The following MAML3 variants were observed in gnomAD, a reference collection of about 807,000 sequenced individuals.
The protein encoded by MAML3 is mastermind-like protein 3.
In MAML3, 27 loss-of-function variants were observed where a neutral mutation model predicts 101.9. That is an observed-to-expected ratio of 0.27 (90% CI 0.20 to 0.37). MAML3 has a LOEUF of 0.37. Among genes scored for constraint, MAML3 ranks in the 10% least tolerant of loss-of-function variants. The probability of loss-of-function intolerance (pLI) is 1.00; values close to 1 mark genes in which losing one functional copy is unlikely to be tolerated. For missense variants in MAML3, 1,316 were observed against 1,444.9 expected, an observed-to-expected ratio of 0.91 and a Z score of 1.45; for synonymous variants, 501 against 555.9, an observed-to-expected ratio of 0.90 and a Z score of 1.39.
chr4:139,900,633 C>G (rs568674352), intron 1 of MAML3, among the ~76,000 whole-genome samples: 2 of 152,190 alleles, frequency 1.3e-5, no homozygotes, highest in Non-Finnish European at 2.9e-5. Flanking sequence ...AAACTCTATA[C>G]GTGCAGTTTA....
At chr4:139,811,711 T>C (rs1730799673) in intron 2 of MAML3, among the ~76,000 whole-genome samples, 2 of 152,220 alleles carry the variant, frequency 1.3e-5, no homozygotes, top group Admixed American at 1.3e-4. Context: ...GAGGACTGAA[T>C]ACATGTTTAT....
chr4:139,818,007 A>G (rs1375403889), intron 2 of MAML3, among the ~76,000 whole-genome samples: 4 of 152,162 alleles, frequency 2.6e-5, no homozygotes, highest in Non-Finnish European at 5.9e-5. Flanking sequence ...GTCTATCACA[A>G]TTGCCTGGTG....
chr4:140,050,165 C>T lies in MAML3; in HGVS notation c.468+102695G>A, dbSNP rs77562333. Among the ~76,000 whole-genome samples, 379 of 152,266 alleles carry T rather than the reference C, an allele frequency of 2.5e-3. 3 individuals carry two copies. Among genetic ancestry groups the T allele is most frequent in the African/African-American group, 8.6e-3 (357 of 41,546 alleles). ...TGTATTCTGCTATTCCATATTCTTT[C>T]ATTTCTCTTAATAGAATTTGCCTTC... On this transcript the variant is annotated intron_variant, in intron 1 of 4. Coordinates refer to ENST00000509479, the MANE Select transcript of MAML3 (RefSeq NM_018717.5).
intron 2 of MAML3, among the ~76,000 whole-genome samples, chr4:139,866,751 T>C (rs1439030528): frequency 6.6e-6 from 1 of 152,164 alleles, no homozygotes; most frequent in Non-Finnish European, 1.5e-5. Context: ...GGGGGAGCAG[T>C]CGGCAATTCC....
chr4:139,981,178 G>A (rs574590975), intron 1 of MAML3, among the ~76,000 whole-genome samples: 7 of 152,278 alleles, frequency 4.6e-5, no homozygotes, highest in African/African-American at 1.4e-4. Context: ...TCTCTCCTTG[G>A]CTTGCAGACA....
At chr4:140,091,802 C>T (rs1455683045) in intron 1 of MAML3, among the ~76,000 whole-genome samples, 2 of 151,808 alleles carry the variant, frequency 1.3e-5, no homozygotes, top group African/African-American at 2.4e-5. Context: ...AATGGCCTTT[C>T]GAAGAAAGCA....
At chr4:139,938,497 T>C (rs1235842380) in intron 1 of MAML3, among the ~76,000 whole-genome samples, 4 of 152,226 alleles carry the variant, frequency 2.6e-5, no homozygotes, top group Non-Finnish European at 5.9e-5. Flanking sequence ...GAAAACACAA[T>C]GACATTCTAA....
intron 1 of MAML3, among the ~76,000 whole-genome samples, chr4:139,894,004 G>T (rs368656656): frequency 2.0e-5 from 3 of 152,040 alleles, no homozygotes; most frequent in East Asian, 1.9e-4. Flanking sequence ...TTCCACTCGG[G>T]TACTCTCTTA....
intron 1 of MAML3, among the ~76,000 whole-genome samples, chr4:140,101,400 G>T (rs1578684911): frequency 6.6e-6 from 1 of 152,122 alleles, no homozygotes; most frequent in African/African-American, 2.4e-5. Context: ...CCAGGCTCTT[G>T]GACAGTTGCA....
intron 2 of MAML3, among the ~76,000 whole-genome samples, chr4:139,865,136 T>G (rs1731872847): frequency 6.6e-6 from 1 of 152,122 alleles, no homozygotes; most frequent in South Asian, 2.1e-4. Flanking sequence ...ATTCTGCAAA[T>G]AGTGCAATTT....
chr4:139,761,280 A>T (rs1208593803), intron 2 of MAML3, among the ~76,000 whole-genome samples: 1 of 152,198 alleles, frequency 6.6e-6, no homozygotes, highest in African/African-American at 2.4e-5. Context: ...GCTTTCTAAA[A>T]GTCTTCAGCC....
chr4:139,731,957 A>G (rs1248590726), intron 2 of MAML3, among the ~76,000 whole-genome samples: 1 of 152,200 alleles, frequency 6.6e-6, no homozygotes, highest in Non-Finnish European at 1.5e-5. Context: ...AGTGGCAAGT[A>G]TGTTCTGAAC....
chr4:139,938,999 T>C lies in MAML3; in HGVS notation c.469-48032A>G, dbSNP rs76561136. ...AGTGACCAGTCATCCTTCCCCGCTCTGCGCACTGTGAAGACTGGCTTTTCA... is the reference window on the plus strand; with the variant it reads ...AGTGACCAGTCATCCTTCCCCGCTCCGCGCACTGTGAAGACTGGCTTTTCA... On this transcript the variant is annotated intron_variant, in intron 1 of 4. Coordinates refer to ENST00000509479, the MANE Select transcript of MAML3 (RefSeq NM_018717.5). Among the ~76,000 whole-genome samples the C allele has an allele frequency of 4.5e-4, 68 of 152,370 alleles. No individual in the cohort carries two copies. In the East Asian group the frequency reaches 0.013, roughly 29 times the overall value.
intron 1 of MAML3, among the ~76,000 whole-genome samples, chr4:140,141,888 G>A (rs1240656997): frequency 1.3e-5 from 2 of 152,026 alleles, no homozygotes; most frequent in African/African-American, 2.4e-5. Flanking sequence ...AGATTTTCCC[G>A]CCAACTTTTT....
chr4:139,962,300 A>G (rs1435249172), intron 1 of MAML3, among the ~76,000 whole-genome samples: 1 of 152,182 alleles, frequency 6.6e-6, no homozygotes, highest in Non-Finnish European at 1.5e-5. Flanking sequence ...GAGCTATTTC[A>G]GCTCAAGTTA....
chr4:139,895,544 A>G (rs933785050), intron 1 of MAML3, among the ~76,000 whole-genome samples: 2 of 152,204 alleles, frequency 1.3e-5, no homozygotes, highest in African/African-American at 4.8e-5. Flanking sequence ...TGATACCAGT[A>G]AACACCCACT....
chr4:139,722,775 T>C (rs1158484639), intron 4 of MAML3, among the ~76,000 whole-genome samples: 1 of 152,220 alleles, frequency 6.6e-6, no homozygotes, highest in Non-Finnish European at 1.5e-5. Flanking sequence ...TCATGCAAGT[T>C]ATACCTAACA....
chr4:139,889,433 T>C lies in MAML3; in HGVS notation c.2003A>G (p.Lys668Arg). The change falls in exon 2 of 5, where the codon AAA becomes AGA. Residue 668 changes from lysine (K) to arginine (R), a missense_variant. Lys to Arg is a conservative substitution (Grantham distance 26, BLOSUM62 2). Transcript: ENST00000509479. Reference sequence around the variant, plus strand: ...TTTCTGCTTCATGAGAAGCAGGCGTTTCTGGTCTTCGCTCAGGTGTGCCCT... The same window carrying C: ...TTTCTGCTTCATGAGAAGCAGGCGTCTCTGGTCTTCGCTCAGGTGTGCCCT... ...APRAHLSEDQ[K>R]RLLLMKQKGV... 1 of 1,613,960 alleles carries C rather than the reference T, an allele frequency of 6.2e-7. No individual in the cohort carries two copies. Among genetic ancestry groups the C allele is most frequent in the Non-Finnish European group, 8.5e-7 (1 of 1,179,868 alleles).
chr4:139,922,214 C>T (rs1363769861), intron 1 of MAML3, among the ~76,000 whole-genome samples: 1 of 152,114 alleles, frequency 6.6e-6, no homozygotes, highest in Non-Finnish European at 1.5e-5. Context: ...AGCTTGCTTG[C>T]TTTTTAATTC....
Sources: allele counts gnomAD v4.1 joint callset (sites outside exome capture counted in the v4.1 genomes callset), GRCh38; gene constraint gnomAD v4.1.1; transcripts MANE v1.5; gene names NCBI Gene and HGNC (gene_info 2026-07-23, HGNC 2026-07-21).